RABGAP1L: variants seen among roughly 807,000 people sequenced by gnomAD.
The protein encoded by RABGAP1L is rab GTPase-activating protein 1-like.
RABGAP1L carries 63 observed loss-of-function variants against 137.7 expected under a neutral mutation model. The observed-to-expected ratio is 0.46, with a 90% CI of 0.37 to 0.56. RABGAP1L has a LOEUF of 0.56. Among genes scored for constraint, RABGAP1L ranks in the 20% least tolerant of loss-of-function variants. The probability of loss-of-function intolerance (pLI) is 0.00; values close to 1 mark genes in which losing one functional copy is unlikely to be tolerated. For missense variants in RABGAP1L, 1,095 were observed against 1,244.0 expected (o/e 0.88, Z 1.80); for synonymous variants, 431 against 433.7 (o/e 0.99, Z 0.08).
At chr1:174,563,631 T>G (rs964712993) in intron 13 of RABGAP1L, among the ~76,000 whole-genome samples, 2 of 152,214 alleles carry the variant, frequency 1.3e-5, no homozygotes, top group African/African-American at 4.8e-5. Context: ...AACTCAATTT[T>G]TGGCCTCTTT....
chr1:174,347,116 AC>A (rs1390648157), intron 11 of RABGAP1L, among the ~76,000 whole-genome samples: 1 of 152,146 alleles, frequency 6.6e-6, no homozygotes, highest in Non-Finnish European at 1.5e-5. Context: ...TAAATTTAAT[AC>A]TTTTTTTTGG....
chr1:174,890,148 A>G (rs115415283), intron 19 of RABGAP1L, among the ~76,000 whole-genome samples: 2,914 of 152,354 alleles, frequency 0.019, 35 homozygotes, highest in Non-Finnish European at 0.03. Context: ...CTACGTGCAT[A>G]GCACTGTGTT....
intron 1 of RABGAP1L, among the ~76,000 whole-genome samples, chr1:174,203,263 G>A (rs1478611441): frequency 1.3e-5 from 2 of 152,034 alleles, no homozygotes; most frequent in East Asian, 3.9e-4. Flanking sequence ...TGAATAGGGA[G>A]TCTTTTCCCC....
chr1:174,602,277 G>A (rs988834557), intron 13 of RABGAP1L, among the ~76,000 whole-genome samples: 6 of 152,144 alleles, frequency 3.9e-5, no homozygotes, highest in Admixed American at 6.6e-5. Context: ...CCTCAGAATC[G>A]CTGGGAGGCT....
chr1:174,656,098 A>G (rs1432478315), intron 14 of RABGAP1L, among the ~76,000 whole-genome samples: 1 of 151,858 alleles, frequency 6.6e-6, no homozygotes, highest in Non-Finnish European at 1.5e-5. Context: ...GTGTGCATAC[A>G]AACATGTATT....
At chr1:174,515,278 G>A (rs970389309) in intron 13 of RABGAP1L, among the ~76,000 whole-genome samples, 1 of 152,020 alleles carries the variant, frequency 6.6e-6, no homozygotes, top group African/African-American at 2.4e-5. Context: ...CACCACTTTT[G>A]GGAAGTAAAA....
chr1:174,682,642 G>A (rs1294337816), intron 14 of RABGAP1L, among the ~76,000 whole-genome samples: 2 of 152,060 alleles, frequency 1.3e-5, no homozygotes, highest in Non-Finnish European at 2.9e-5. Flanking sequence ...AAACTAACAT[G>A]TTGTCTTTTT....
At position 174,988,824 on chromosome 1, in the gene RABGAP1L, A is replaced by G; in HGVS notation, c.2989A>G (p.Lys997Glu). Residue 997 changes from lysine (K) to glutamate (E), a missense_variant, in exon 25 of 26, where the codon AAG (lysine) becomes GAG (glutamate). Lys to Glu is a moderately conservative substitution (Grantham distance 56). This residue lies in a region of RABGAP1L where 312 missense variants were observed against 435.6 expected (regional missense o/e 0.72). Transcript: ENST00000681986. ...AQTKLQLVEA[K>E]CKIQELEHQR... ...AACCAAACTGCAGTTGGTGGAGGCCAAGTGTAAAATTCAGGTTGGTGATTT... is the reference window on the plus strand; with the variant it reads ...AACCAAACTGCAGTTGGTGGAGGCCGAGTGTAAAATTCAGGTTGGTGATTT... 2 of 1,540,474 alleles carry G rather than the reference A, an allele frequency of 1.3e-6. No individual in the cohort carries two copies. The highest frequency in any genetic ancestry group is 1.7e-6 in the Non-Finnish European group (2 of 1,143,658).
intron 13 of RABGAP1L, among the ~76,000 whole-genome samples, chr1:174,401,162 C>T (rs1456640137): frequency 1.3e-5 from 2 of 152,070 alleles, no homozygotes; most frequent in Non-Finnish European, 2.9e-5. Context: ...CACACCTTGC[C>T]TTGGTAACAG....
At chr1:174,848,821 C>T (rs778161779) in intron 19 of RABGAP1L, among the ~76,000 whole-genome samples, 3,092 of 151,394 alleles carry the variant, frequency 0.02, 56 homozygotes, top group Middle Eastern at 0.082. Context: ...GCGCCCCTCC[C>T]CCAGCTTCGC....
intron 13 of RABGAP1L, among the ~76,000 whole-genome samples, chr1:174,482,909 A>G (rs1346123456): frequency 6.6e-6 from 1 of 152,210 alleles, no homozygotes; most frequent in Admixed American, 6.5e-5. Context: ...TATTGAATGA[A>G]TGAAAAAATA....
intron 17 of RABGAP1L, among the ~76,000 whole-genome samples, chr1:174,703,766 A>T (rs2148529679): frequency 6.6e-6 from 1 of 152,298 alleles, no homozygotes; most frequent in South Asian, 2.1e-4. Context: ...ACTTTTTAAT[A>T]ATAGCCATTC....
chr1:174,735,289 A>C (rs1682840319), intron 17 of RABGAP1L, among the ~76,000 whole-genome samples: 2 of 150,514 alleles, frequency 1.3e-5, no homozygotes, highest in South Asian at 4.3e-4. Context: ...TTATTTTTTT[A>C]TAATCCTTCT....
chr1:174,831,160 G>A (rs1019695992), intron 19 of RABGAP1L, among the ~76,000 whole-genome samples: 2 of 147,950 alleles, frequency 1.4e-5, no homozygotes, highest in South Asian at 2.2e-4. Context: ...TAAAAAGAAC[G>A]TTTTAGACAA....
intron 17 of RABGAP1L, among the ~76,000 whole-genome samples, chr1:174,723,927 A>T (rs1364674019): frequency 1.3e-5 from 2 of 152,252 alleles, no homozygotes; most frequent in Non-Finnish European, 2.9e-5. Flanking sequence ...GTTTGAGAAA[A>T]GTAATTCTGA....
intron 13 of RABGAP1L, among the ~76,000 whole-genome samples, chr1:174,427,636 G>A (rs1423058804): frequency 2.0e-5 from 3 of 151,988 alleles, no homozygotes; most frequent in Non-Finnish European, 4.4e-5. Flanking sequence ...AGAAAGTTTA[G>A]TATTTTTAGC....
intron 11 of RABGAP1L, among the ~76,000 whole-genome samples, chr1:174,356,725 C>T (rs1683669003): frequency 6.6e-6 from 1 of 151,952 alleles, no homozygotes. Flanking sequence ...CTACTGATCT[C>T]TGCATGTTAA....
chr1:174,718,522 G>A (rs1230609659), intron 17 of RABGAP1L, among the ~76,000 whole-genome samples: 1 of 152,190 alleles, frequency 6.6e-6, no homozygotes, highest in Non-Finnish European at 1.5e-5. Context: ...GAAAAATCCT[G>A]TCCTGGCTCG....
chr1:174,577,188 C>G (rs1557864357), intron 13 of RABGAP1L, among the ~76,000 whole-genome samples: 1 of 139,556 alleles, frequency 7.2e-6, no homozygotes, highest in Admixed American at 7.4e-5. Context: ...AGAGTGAGAC[C>G]CTGTCTGTTA....
Sources: allele counts gnomAD v4.1 joint callset (sites outside exome capture counted in the v4.1 genomes callset), GRCh38; gene constraint gnomAD v4.1.1; regional missense constraint gnomAD v4.1.1; transcripts MANE v1.5; gene names NCBI Gene and HGNC (gene_info 2026-07-23, HGNC 2026-07-21).